Variants in NETO1 observed in about 807,000 individuals in gnomAD.
NETO1 encodes the protein neuropilin and tolloid-like protein 1.
Under a neutral mutation model 61.3 loss-of-function variants are expected in NETO1, and 26 were observed. The ratio of observed to expected loss-of-function variants is 0.42; its 90% CI spans 0.31 to 0.59. The LOEUF is 0.59. NETO1 is among the 20% of genes least tolerant of loss of function. The pLI, the probability that NETO1 is intolerant of heterozygous loss-of-function variation, is 0.12. For synonymous variants in NETO1, 225 were observed against 225.8 expected (o/e 1.00, Z 0.03); for missense variants, 531 against 662.8 (o/e 0.80, Z 2.18).
chr18:72,747,976 C>T lies in NETO1; in HGVS notation c.*203G>A. The T allele has an allele frequency of 4.2e-6, 1 of 240,528 alleles. No homozygotes were observed. Among genetic ancestry groups the T allele is most frequent in the Non-Finnish European group, 6.7e-6 (1 of 148,632 alleles). The allele number at this position is 240,528 out of a possible 1,614,324, so 14.9% of individuals were successfully genotyped here. A position where few individuals can be genotyped will look rare whatever the true frequency, so the allele number is the denominator to read the frequency against. On this transcript the variant is annotated 3_prime_UTR_variant, in exon 11 of 11. Transcript: ENST00000327305. ...TTAAAAACTAAGGAGCACTTGGTGG[C>T]CAGCAACCAAATTACGAAATGAACA...
At chr18:72,790,321 T>C (rs1287477158) in intron 6 of NETO1, among the ~76,000 whole-genome samples, 1 of 152,088 alleles carries the variant, frequency 6.6e-6, no homozygotes, top group Non-Finnish European at 1.5e-5. Flanking sequence ...ACAAGTATTA[T>C]TTGTCAATTA....
chr18:72,810,162 G>C (rs2072818552), intron 4 of NETO1, among the ~76,000 whole-genome samples: 1 of 152,154 alleles, frequency 6.6e-6, no homozygotes, highest in Non-Finnish European at 1.5e-5. Flanking sequence ...TTTAAATACA[G>C]ACTAAGTACA....
chr18:72,792,056 A>AGGTAGGTT (rs2072137453), intron 6 of NETO1, among the ~76,000 whole-genome samples: 1 of 152,222 alleles, frequency 6.6e-6, no homozygotes, highest in Non-Finnish European at 1.5e-5. Context: ...GCTGGGGGAA[A>AGGTAGGTT]GGTGCCACAT....
chr18:72,780,150 C>T (rs1205292203), intron 7 of NETO1, among the ~76,000 whole-genome samples: 1 of 152,166 alleles, frequency 6.6e-6, no homozygotes, highest in Non-Finnish European at 1.5e-5. Flanking sequence ...TGGGTGGTAA[C>T]ATGACTAAAG....
At chr18:72,802,607 T>G (rs1353278682) in intron 4 of NETO1, among the ~76,000 whole-genome samples, 1 of 152,232 alleles carries the variant, frequency 6.6e-6, no homozygotes. Context: ...TGTTGAAATA[T>G]TCAAATTTTT....
chr18:72,837,145 T>C (rs1182451209), intron 4 of NETO1, among the ~76,000 whole-genome samples: 3 of 152,204 alleles, frequency 2.0e-5, no homozygotes, highest in Non-Finnish European at 4.4e-5. Flanking sequence ...CAAGAGAATA[T>C]TGTGCTATTG....
At chr18:72,770,916 A>C (rs2071332375) in intron 7 of NETO1, among the ~76,000 whole-genome samples, 1 of 152,132 alleles carries the variant, frequency 6.6e-6, no homozygotes, top group Non-Finnish European at 1.5e-5. Flanking sequence ...AAATTGGAAA[A>C]TGTGTTAATT....
intron 4 of NETO1, among the ~76,000 whole-genome samples, chr18:72,809,995 C>T (rs1288507001): frequency 6.6e-6 from 1 of 152,114 alleles, no homozygotes; most frequent in Non-Finnish European, 1.5e-5. Flanking sequence ...TAAAACCAAG[C>T]TAATCTAAAT....
chr18:72,817,940 T>G (rs1321277647), intron 4 of NETO1, among the ~76,000 whole-genome samples: 1 of 152,214 alleles, frequency 6.6e-6, no homozygotes, highest in Non-Finnish European at 1.5e-5. Flanking sequence ...CAGTGAGCAC[T>G]GAAGCCTGCT....
At chr18:72,814,842 A>G (rs962588029) in intron 4 of NETO1, among the ~76,000 whole-genome samples, 12 of 152,114 alleles carry the variant, frequency 7.9e-5, no homozygotes, top group Non-Finnish European at 1.8e-4. Context: ...CTAATAACAT[A>G]GGTACAATGT....
intron 4 of NETO1, among the ~76,000 whole-genome samples, chr18:72,826,590 T>C (rs1341582245): frequency 6.6e-6 from 1 of 152,184 alleles, no homozygotes; most frequent in East Asian, 1.9e-4. Flanking sequence ...ACGATTTCTG[T>C]ATTTCCTTTT....
chr18:72,855,448 G>A (rs1431996176), intron 4 of NETO1, among the ~76,000 whole-genome samples: 3 of 152,138 alleles, frequency 2.0e-5, no homozygotes, highest in African/African-American at 7.2e-5. Flanking sequence ...AAAAATAACC[G>A]TCAGCAAACC....
chr18:72,766,861 T>C (rs1409895940), intron 7 of NETO1, among the ~76,000 whole-genome samples: 1 of 152,234 alleles, frequency 6.6e-6, no homozygotes, highest in Non-Finnish European at 1.5e-5. Flanking sequence ...TCCCTAGAAA[T>C]TACTACATAC....
intron 7 of NETO1, among the ~76,000 whole-genome samples, chr18:72,763,132 GT>G (rs5826209): frequency 0.039 from 5,646 of 146,524 alleles, 107 homozygotes; most frequent in Non-Finnish European, 0.052. Context: ...ATTAGATTTC[GT>G]TTTTTTTTTT....
chr18:72,866,667 C>T (rs1010158266), intron 1 of NETO1: 2 of 956,768 alleles, frequency 2.1e-6, no homozygotes, highest in African/African-American at 3.5e-5. Context: ...TTTTCTTATA[C>T]TGCCTTTTAC....
intron 7 of NETO1, among the ~76,000 whole-genome samples, chr18:72,767,210 A>G (rs17086296): frequency 2.2e-4 from 33 of 152,224 alleles, no homozygotes; most frequent in African/African-American, 7.5e-4. Context: ...CTGCTAGTTC[A>G]GAGGCTATCA....
At chr18:72,804,870 T>C (rs1335678525) in intron 4 of NETO1, among the ~76,000 whole-genome samples, 1 of 152,220 alleles carries the variant, frequency 6.6e-6, no homozygotes, top group Non-Finnish European at 1.5e-5. Context: ...TCCTGAATTA[T>C]GTCATTCATC....
At chr18:72,795,599 T>C (rs1158719150) in intron 4 of NETO1, among the ~76,000 whole-genome samples, 1 of 152,066 alleles carries the variant, frequency 6.6e-6, no homozygotes, top group Non-Finnish European at 1.5e-5. Context: ...ATTTATACTC[T>C]TTTTTTTCCA....
At chr18:72,784,841 C>CG (rs2071860526) in intron 6 of NETO1, among the ~76,000 whole-genome samples, 1 of 152,224 alleles carries the variant, frequency 6.6e-6, no homozygotes, top group African/African-American at 2.4e-5. Context: ...GTGGCATCCA[C>CG]AGCTTGTCCT....
Sources: allele counts gnomAD v4.1 joint callset (sites outside exome capture counted in the v4.1 genomes callset), GRCh38; gene constraint gnomAD v4.1.1; transcripts MANE v1.5; gene names NCBI Gene and HGNC (gene_info 2026-07-23, HGNC 2026-07-21).